Variants in ZFYVE9 observed in about 807,000 individuals in gnomAD.
ZFYVE9 encodes zinc finger FYVE domain-containing protein 9.
In ZFYVE9, 43 loss-of-function variants were observed where a neutral mutation model predicts 126.7. The observed-to-expected ratio is 0.34, with a 90% CI of 0.27 to 0.44. ZFYVE9 has a LOEUF of 0.44. Among genes scored for constraint, ZFYVE9 ranks in the 20% least tolerant of loss-of-function variants. ZFYVE9 has a pLI of 1.00. For missense variants in ZFYVE9, 1,476 were observed against 1,697.0 expected, an observed-to-expected ratio of 0.87 and a Z score of 2.29; for synonymous variants, 521 against 597.4, an observed-to-expected ratio of 0.87 and a Z score of 1.87.
Position 52,237,586 on chromosome 1 carries a change from A to T in ZFYVE9, c.169A>T (p.Asn57Tyr). The change falls in exon 4 of 19, where the codon AAT becomes TAT. Residue 57 changes from asparagine to tyrosine, a missense_variant. This residue lies in a region of ZFYVE9 where 807 missense variants were observed against 794.6 expected (regional missense o/e 1.02). Coordinates refer to ENST00000287727, the MANE Select transcript of ZFYVE9 (RefSeq NM_004799.4). ...ATTTAACCCTACTTTGGCCAGTGTG[A>T]ATGAATCTGCAGTTTCTAATGAGTC... Reference protein sequence around the residue: ...LSFNPTLASVNESAVSNESQP... With the variant: ...LSFNPTLASVYESAVSNESQP... 6.2e-7 allele frequency: 1 copy of T among 1,614,044 alleles called. No individual in the cohort carries two copies. Among genetic ancestry groups the T allele is most frequent in the Non-Finnish European group, 8.5e-7 (1 of 1,179,944 alleles).
chr1:52,309,047 A>G (rs893200744), intron 13 of ZFYVE9, among the ~76,000 whole-genome samples: 2 of 152,256 alleles, frequency 1.3e-5, no homozygotes, highest in African/African-American at 2.4e-5. Context: ...ATAGACACCA[A>G]TGTTTCTTAA....
intron 1 of ZFYVE9, among the ~76,000 whole-genome samples, chr1:52,201,211 A>T (rs867257422): frequency 6.6e-6 from 1 of 152,070 alleles, no homozygotes; most frequent in Non-Finnish European, 1.5e-5. Flanking sequence ...TGTTATATTT[A>T]TATAGAAGTA....
intron 1 of ZFYVE9, among the ~76,000 whole-genome samples, chr1:52,181,193 C>T (rs1036621998): frequency 1.3e-5 from 2 of 152,126 alleles, no homozygotes; most frequent in African/African-American, 4.8e-5. Flanking sequence ...CCTGATTCTC[C>T]TGCCTCAGCC....
intron 2 of ZFYVE9, among the ~76,000 whole-genome samples, chr1:52,231,815 C>T (rs150160635): frequency 0.015 from 2,258 of 151,914 alleles, 58 homozygotes; most frequent in African/African-American, 0.051. Context: ...TTACTAGAGA[C>T]GAGGTTTCAC....
In ZFYVE9 at chr1:52,345,045, C is replaced by T. The variant is rs549074431; in HGVS notation, c.4116+101C>T. 5.0e-5 allele frequency: 65 copies of T among 1,304,764 alleles called. No individual in the cohort carries two copies. The South Asian group carries it at 8.2e-4, about 16-fold the overall frequency. 80.8% of individuals were successfully genotyped at this position (1,304,764 alleles called of 1,614,324 possible). ...CACCCCAGAGAGCTTAATTCTCCGA[C>T]CTTCTGGCCTGACTGGATATAGTGT... On this transcript the variant is annotated intron_variant, in intron 18 of 18. Coordinates refer to ENST00000287727, the MANE Select transcript of ZFYVE9 (RefSeq NM_004799.4).
rs115083254 is a variant in ZFYVE9 at position 52,324,625 on chromosome 1, G to T, written c.3439-8143G>T. 9.9e-3 allele frequency among the ~76,000 whole-genome samples: 1,511 copies of T among 152,184 alleles called. 21 individuals are homozygous for T. The highest frequency in any genetic ancestry group is 0.035 in the African/African-American group (1,445 of 41,514). On this transcript the variant is annotated intron_variant, in intron 13 of 18. Coordinates refer to ENST00000287727, the MANE Select transcript of ZFYVE9 (RefSeq NM_004799.4). ...CACTGTTTTTCTCCTCCATTTTCCT[G>T]TTGTTCTTTATTTCTGTAACATGCA...
At chr1:52,166,748 A>G (rs1416368841) in intron 1 of ZFYVE9, among the ~76,000 whole-genome samples, 4 of 152,124 alleles carry the variant, frequency 2.6e-5, no homozygotes, top group Non-Finnish European at 5.9e-5. Flanking sequence ...CATCTCTACA[A>G]AAAACAAAAA....
chr1:52,258,798 G>A (rs1023846675), intron 4 of ZFYVE9, among the ~76,000 whole-genome samples: 2 of 151,958 alleles, frequency 1.3e-5, no homozygotes, highest in Non-Finnish European at 2.9e-5. Flanking sequence ...GAAACGTAAA[G>A]GATCTCTCTA....
intron 17 of ZFYVE9, among the ~76,000 whole-genome samples, chr1:52,343,364 T>G (rs1557529523): frequency 1.3e-5 from 2 of 151,868 alleles, no homozygotes; most frequent in South Asian, 2.1e-4. Context: ...GAGAATCGCT[T>G]GAACCTGGGA....
At chr1:52,281,046 C>T (rs992122243) in intron 9 of ZFYVE9, among the ~76,000 whole-genome samples, 1 of 151,088 alleles carries the variant, frequency 6.6e-6, no homozygotes, top group Non-Finnish European at 1.5e-5. Flanking sequence ...TAGAATGTTG[C>T]TTCTTTTAAT....
chr1:52,237,537 A>G lies in ZFYVE9; in HGVS notation c.120A>G (p.Leu40=). The change falls in exon 4 of 19, where the codon CTA becomes CTG. Residue 40 remains leucine (L), a synonymous_variant. Coordinates refer to ENST00000287727, the MANE Select transcript of ZFYVE9 (RefSeq NM_004799.4). The part of the protein sequence containing the change: ...TLLDTKWNKI[L]DPPSHRLSFN... ...TGGATACAAAGTGGAATAAGATTCT[A>G]GATCCCCCTTCTCACCGGCTGTCAT... is the stretch of plus-strand genomic sequence containing the variant. 1 of 1,613,862 alleles carries G rather than the reference A, an allele frequency of 6.2e-7. No homozygotes were observed. Among genetic ancestry groups the G allele is most frequent in the Non-Finnish European group, 8.5e-7 (1 of 1,179,816 alleles).
chr1:52,268,966 G>C (rs769428193), intron 7 of ZFYVE9, among the ~76,000 whole-genome samples: 3 of 152,056 alleles, frequency 2.0e-5, no homozygotes, highest in African/African-American at 4.8e-5. Context: ...AGCCTCTCAG[G>C]AGTGCTATGG....
intron 3 of ZFYVE9, among the ~76,000 whole-genome samples, chr1:52,234,949 C>A (rs1005386193): frequency 6.6e-6 from 1 of 152,154 alleles, no homozygotes; most frequent in Non-Finnish European, 1.5e-5. Flanking sequence ...TTCTAGAATA[C>A]CACTGACTCT....
intron 10 of ZFYVE9, among the ~76,000 whole-genome samples, chr1:52,286,938 C>G (rs1256269337): frequency 6.6e-6 from 1 of 152,056 alleles, no homozygotes; most frequent in Non-Finnish European, 1.5e-5. Context: ...TTATGCTACT[C>G]CCAACCGTGC....
At chr1:52,199,763 T>G (rs1301831728) in intron 1 of ZFYVE9, among the ~76,000 whole-genome samples, 1 of 152,226 alleles carries the variant, frequency 6.6e-6, no homozygotes, top group Non-Finnish European at 1.5e-5. Flanking sequence ...CAAACTGTCT[T>G]CCAAAGTGGC....
intron 4 of ZFYVE9, among the ~76,000 whole-genome samples, chr1:52,249,662 G>C (rs1645424830): frequency 6.6e-6 from 1 of 152,062 alleles, no homozygotes; most frequent in South Asian, 2.1e-4. Flanking sequence ...TTTGTTGCCT[G>C]TGCTTTTGGT....
intron 12 of ZFYVE9, 77 bp downstream of exon 12, chr1:52,296,054 C>A: frequency 7.3e-7 from 1 of 1,369,684 alleles, no homozygotes; most frequent in Non-Finnish European, 1.0e-6. Context: ...TTATTATTTT[C>A]TTGGTAGCTG....
intron 1 of ZFYVE9, among the ~76,000 whole-genome samples, chr1:52,170,125 C>G (rs1644551141): frequency 1.3e-5 from 2 of 152,112 alleles, no homozygotes; most frequent in Non-Finnish European, 2.9e-5. Flanking sequence ...TTAGATAATT[C>G]TAAGCTGTAA....
chr1:52,204,714 G>A (rs548710561), intron 1 of ZFYVE9, among the ~76,000 whole-genome samples: 1 of 151,954 alleles, frequency 6.6e-6, no homozygotes, highest in South Asian at 2.1e-4. Context: ...ACAACAGAGC[G>A]AGACCCTGTC....
Sources: gnomAD v4.1 joint callset for allele counts (sites outside exome capture counted in the v4.1 genomes callset) on GRCh38, gnomAD v4.1.1 for gene constraint, gnomAD v4.1.1 regional missense constraint, MANE v1.5 for transcripts, NCBI Gene and HGNC (gene_info 2026-07-23, HGNC 2026-07-21) for gene names.